MRTFA: variants seen among roughly 807,000 people sequenced by gnomAD.
MRTFA encodes the protein myocardin-related transcription factor A.
MRTFA carries 20 observed loss-of-function variants against 83.5 expected under a neutral mutation model. That is an observed-to-expected ratio of 0.24 (90% confidence interval 0.17 to 0.35). The LOEUF is 0.35. Among genes scored for constraint, MRTFA ranks in the 10% least tolerant of loss-of-function variants. The probability of loss-of-function intolerance (pLI) is 1.00; values close to 1 mark genes in which losing one functional copy is unlikely to be tolerated. For synonymous variants in MRTFA, 659 were observed against 541.2 expected, an observed-to-expected ratio of 1.22 and a Z score of -3.02; for missense variants, 1,200 against 1,224.7, an observed-to-expected ratio of 0.98 and a Z score of 0.30.
chr22:40,492,623 C>CT (rs1459229301), intron 3 of MRTFA, among the ~76,000 whole-genome samples: 1 of 152,208 alleles, frequency 6.6e-6, no homozygotes, highest in Non-Finnish European at 1.5e-5. Context: ...CTTGCCCTCC[C>CT]TCCCTTCTTG....
chr22:40,579,667 C>G (rs371818686), intron 2 of MRTFA, among the ~76,000 whole-genome samples: 12 of 152,078 alleles, frequency 7.9e-5, no homozygotes, highest in African/African-American at 2.9e-4. Flanking sequence ...CAAGACCATC[C>G]TGGCCAACAT....
At chr22:40,430,153 C>CA (rs2053038544) in intron 6 of MRTFA, among the ~76,000 whole-genome samples, 1 of 152,176 alleles carries the variant, frequency 6.6e-6, no homozygotes, top group East Asian at 1.9e-4. Flanking sequence ...ATGTGAGACT[C>CA]AGACTAGAAA....
chr22:40,582,349 C>A (rs2055959393), intron 2 of MRTFA, among the ~76,000 whole-genome samples: 1 of 152,134 alleles, frequency 6.6e-6, no homozygotes, highest in Non-Finnish European at 1.5e-5. Flanking sequence ...TCCATGTTTT[C>A]CCTATTATGA....
intron 2 of MRTFA, among the ~76,000 whole-genome samples, chr22:40,553,135 G>A (rs1479057244): frequency 1.3e-5 from 2 of 152,198 alleles, no homozygotes; most frequent in African/African-American, 2.4e-5. Context: ...TAGGGTATCT[G>A]GCAGAGGACA....
chr22:40,566,954 C>T (rs2055714166), intron 2 of MRTFA, among the ~76,000 whole-genome samples: 1 of 152,220 alleles, frequency 6.6e-6, no homozygotes, highest in African/African-American at 2.4e-5. Context: ...ACTATTCTGC[C>T]TGGCCCCTAA....
At chr22:40,476,626 T>G (rs909123535) in intron 3 of MRTFA, among the ~76,000 whole-genome samples, 1 of 152,056 alleles carries the variant, frequency 6.6e-6, no homozygotes. Context: ...CACAAATGGC[T>G]AATTTTTTGT....
intron 2 of MRTFA, among the ~76,000 whole-genome samples, chr22:40,574,556 T>C (rs760116036): frequency 3.3e-5 from 5 of 151,916 alleles, no homozygotes; most frequent in Admixed American, 2.6e-4. Context: ...TGCCTCAGCC[T>C]CCTGAGTAGC....
At chr22:40,519,448 T>C (rs1404908793) in intron 3 of MRTFA, 1 of 1,335,432 alleles carries the variant, frequency 7.5e-7, no homozygotes, top group African/African-American at 1.5e-5. Context: ...GGCGATGTTG[T>C]TTTAGCGTTA....
chr22:40,515,175 G>C (rs2054737272), intron 3 of MRTFA, among the ~76,000 whole-genome samples: 1 of 151,832 alleles, frequency 6.6e-6, no homozygotes, highest in African/African-American at 2.4e-5. Flanking sequence ...CCAAAGTGCT[G>C]GGATTACAGG....
At chr22:40,451,491 A>C (rs1001298995) in intron 4 of MRTFA, among the ~76,000 whole-genome samples, 1 of 152,156 alleles carries the variant, frequency 6.6e-6, no homozygotes, top group Non-Finnish European at 1.5e-5. Flanking sequence ...CAGCAGGAAG[A>C]CCAACTCCCA....
intron 3 of MRTFA, among the ~76,000 whole-genome samples, chr22:40,545,502 G>T (rs1170695260): frequency 6.7e-6 from 1 of 149,592 alleles, no homozygotes; most frequent in Non-Finnish European, 1.5e-5. Context: ...GCTATCTCCC[G>T]GCTCACTGCA....
intron 2 of MRTFA, among the ~76,000 whole-genome samples, chr22:40,589,751 G>A (rs186073438): frequency 3.3e-4 from 50 of 152,158 alleles, no homozygotes; most frequent in African/African-American, 1.1e-3. Flanking sequence ...TTACAAGGCC[G>A]GGCACGGTGG....
chr22:40,414,782 T>G lies in MRTFA; in HGVS notation c.2578+2204A>C, dbSNP rs373952135. Among the ~76,000 whole-genome samples the G allele has an allele frequency of 3.3e-5, 5 of 152,304 alleles. No homozygotes were observed. The East Asian group carries it at 5.8e-4, about 18-fold the overall frequency. On this transcript the variant is annotated intron_variant, in intron 14 of 14. Coordinates refer to ENST00000355630, the MANE Select transcript of MRTFA (RefSeq NM_020831.6). The stretch of plus-strand genomic sequence containing the variant: ...TGGGGTGATGAAGTTCTGGAGCGGA[T>G]AGGGGTGACAGTTGCACAACACTGT...
rs1299937871 is a variant in MRTFA, at chr22:40,424,454, C to G, written c.602-73G>C. The G allele has an allele frequency of 2.0e-6, 3 of 1,503,864 alleles. No homozygotes were observed. In the African/African-American group the frequency reaches 4.2e-5, roughly 21 times the overall value. The allele number at this position is 1,503,864 out of a possible 1,614,324, so 93.2% of individuals were successfully genotyped here. ...GATGAGCAGGGACAGGCCTGGCTCG[C>G]AGGCCACAGGCAGAGTGCCTGGCCC... On this transcript the variant is annotated intron_variant, in intron 7 of 14. Transcript: ENST00000355630.
rs17001999 is a variant in MRTFA at position 40,511,671 on chromosome 22, A to G, written c.241+40435T>C. The stretch of plus-strand genomic sequence containing the variant: ...ATGTAGATCTTTGAATATTGAAAGA[A>G]TAACACAAAGGTGGAAAATATAATC... On this transcript the variant is annotated intron_variant, in intron 3 of 14. Transcript: ENST00000355630. Among the ~76,000 whole-genome samples the G allele has an allele frequency of 3.3e-3, 504 of 152,136 alleles. 25 individuals are homozygous for G. In the East Asian group the frequency reaches 0.089, roughly 27 times the overall value.
chr22:40,539,715 G>T (rs1373735502), intron 3 of MRTFA, among the ~76,000 whole-genome samples: 1 of 151,872 alleles, frequency 6.6e-6, no homozygotes, highest in Non-Finnish European at 1.5e-5. Context: ...TGTTGGCCAG[G>T]ATGGTCTCGA....
chr22:40,518,426 G>GAA (rs34405567), intron 3 of MRTFA, among the ~76,000 whole-genome samples: 37 of 145,528 alleles, frequency 2.5e-4, no homozygotes, highest in East Asian at 8.0e-4. Flanking sequence ...GTTGGTGAGG[G>GAA]AAAAAAAAAA....
chr22:40,418,748 G>A lies in MRTFA; in HGVS notation c.1990C>T (p.Pro664Ser), dbSNP rs1328611902. 18 of 1,482,442 alleles carry A rather than the reference G, an allele frequency of 1.2e-5. No homozygotes were observed. Among genetic ancestry groups the A allele is most frequent in the Non-Finnish European group, 1.5e-5 (17 of 1,114,106 alleles). 91.8% of individuals were successfully genotyped at this position (1,482,442 alleles called of 1,614,324 possible). The change falls in exon 12 of 15, where the codon CCC (proline) becomes TCC (serine). Residue 664 changes from proline (P) to serine (S), a missense_variant. Physicochemically the swap from Pro to Ser is moderately conservative, Grantham distance 74. Coordinates refer to ENST00000355630, the MANE Select transcript of MRTFA (RefSeq NM_020831.6). ...CCGAGGGGGGCGGGGGCGGGGGCGGGCTGCTGGGCTCGCTTCTCCTGCTCC... is the reference window on the plus strand; with the variant it reads ...CCGAGGGGGGCGGGGGCGGGGGCGGACTGCTGGGCTCGCTTCTCCTGCTCC...
chr22:40,460,324 C>T (rs1250306619), intron 4 of MRTFA, among the ~76,000 whole-genome samples: 1 of 152,154 alleles, frequency 6.6e-6, no homozygotes, highest in Admixed American at 6.5e-5. Context: ...CCTGCTACTA[C>T]AGGAAAGACA....
Sources: gnomAD v4.1 joint callset for allele counts (sites outside exome capture counted in the v4.1 genomes callset) on GRCh38, gnomAD v4.1.1 for gene constraint, MANE v1.5 for transcripts, NCBI Gene and HGNC (gene_info 2026-07-23, HGNC 2026-07-21) for gene names.